BACH2: variants seen among roughly 807,000 people sequenced by gnomAD.
BACH2 encodes transcription regulator protein BACH2.
BACH2 carries 5 observed loss-of-function variants against 61.8 expected under a neutral mutation model. The observed-to-expected ratio is 0.08, with a 90% CI of 0.04 to 0.17. The LOEUF is 0.17. BACH2 is among the 10% of genes least tolerant of loss of function. The pLI is 1.00. For synonymous variants in BACH2, 446 were observed against 440.1 expected, an observed-to-expected ratio of 1.01 and a Z score of -0.17; for missense variants, 824 against 1,091.1, an observed-to-expected ratio of 0.76 and a Z score of 3.45.
At chr6:89,967,606 C>T (rs557130400) in intron 6 of BACH2, among the ~76,000 whole-genome samples, 6 of 152,314 alleles carry the variant, frequency 3.9e-5, no homozygotes, top group African/African-American at 1.4e-4. Flanking sequence ...CCCAGAGAAG[C>T]GTAGCTTTGA....
rs972857365 is a variant in BACH2 at position 89,930,631 on chromosome 6, TGGGGCCAACACGGCCCCAGAGCCAAG to T, written c.*1751_*1776del. On this transcript the variant is annotated 3_prime_UTR_variant, in exon 9 of 9. Transcript: ENST00000257749. ...GGGCACACCTTCCTGTAAACGTGGC[TGGGGCCAACACGGCCCCAGAGCCAAG>T]GGAAGCTGCTCTCTCTGGGTTGCAA... The T allele has an allele frequency of 1.3e-5, 2 of 152,750 alleles. No individual in the cohort carries two copies. The highest frequency in any genetic ancestry group is 4.8e-5 in the African/African-American group (2 of 41,434). 9.5% of individuals were successfully genotyped at this position (152,750 alleles called of 1,614,324 possible).
rs567499939 is a variant in BACH2, at chr6:90,256,765, G to C, written c.-352-4175C>G. On this transcript the variant is annotated intron_variant, in intron 2 of 8. Coordinates refer to ENST00000257749, the MANE Select transcript of BACH2 (RefSeq NM_021813.4). ...TACCCTATTTTTGTTTTTATGTTAA[G>C]AGCAGCTAAAATCTCACTTAGCATG... Among the ~76,000 whole-genome samples the C allele has an allele frequency of 5.9e-5, 9 of 152,150 alleles. No homozygotes were observed. The South Asian group carries it at 1.9e-3, about 32-fold the overall frequency.
chr6:90,014,029 G>A (rs948578903), intron 5 of BACH2, among the ~76,000 whole-genome samples: 3 of 151,626 alleles, frequency 2.0e-5, no homozygotes, highest in African/African-American at 4.8e-5. Context: ...AGCAATCCTC[G>A]TACCTTGGTC....
chr6:90,166,677 T>C (rs573270749), intron 4 of BACH2, among the ~76,000 whole-genome samples: 49 of 152,218 alleles, frequency 3.2e-4, no homozygotes, highest in African/African-American at 1.1e-3. Context: ...AACGATAGAC[T>C]GGATTAAGAA....
chr6:90,030,332 A>G (rs1176636737), intron 5 of BACH2, among the ~76,000 whole-genome samples: 5 of 152,102 alleles, frequency 3.3e-5, no homozygotes, highest in Non-Finnish European at 7.4e-5. Context: ...CTGCCCTGGG[A>G]GTAGACGTGG....
chr6:89,962,011 G>A lies in BACH2; in HGVS notation c.244-10149C>T, dbSNP rs551336221. Among the ~76,000 whole-genome samples, 3 of 152,282 alleles carry A rather than the reference G, an allele frequency of 2.0e-5. No individual in the cohort carries two copies. The East Asian group carries it at 5.8e-4, about 29-fold the overall frequency. On this transcript the variant is annotated intron_variant, in intron 6 of 8. Coordinates refer to ENST00000257749, the MANE Select transcript of BACH2 (RefSeq NM_021813.4). ...GAGTGTGTACTTGTCTAGATACTCA[G>A]AAATCATTCCTATTATAAAAACTAC...
intron 4 of BACH2, among the ~76,000 whole-genome samples, chr6:90,154,501 T>C (rs760642931): frequency 1.1e-4 from 16 of 152,164 alleles, no homozygotes; most frequent in East Asian, 7.7e-4. Context: ...GGCCACTCTA[T>C]ACTAGGAGGT....
At chr6:90,004,464 G>C (rs1028323049) in intron 6 of BACH2, among the ~76,000 whole-genome samples, 15 of 152,308 alleles carry the variant, frequency 9.8e-5, no homozygotes, top group African/African-American at 3.6e-4. Flanking sequence ...CAAGGACACA[G>C]GAAGCAAGCC....
chr6:90,016,410 TTTG>T (rs1289846284), intron 5 of BACH2, among the ~76,000 whole-genome samples: 2 of 152,210 alleles, frequency 1.3e-5, no homozygotes, highest in African/African-American at 2.4e-5. Context: ...GGCATGTTGT[TTTG>T]TTATTTCATT....
chr6:90,118,948 T>C lies in BACH2; in HGVS notation c.-161-29839A>G, dbSNP rs115135941. On this transcript the variant is annotated intron_variant, in intron 4 of 8. Transcript: ENST00000257749. Reference sequence around the variant, plus strand: ...ACCATAAAATGGAGATAATAGTACTTACCAAGTAAGATTTTTATGATGATT... The same window carrying C: ...ACCATAAAATGGAGATAATAGTACTCACCAAGTAAGATTTTTATGATGATT... Among the ~76,000 whole-genome samples, 666 of 152,272 alleles carry C rather than the reference T, an allele frequency of 4.4e-3. 5 individuals carry two copies. The highest frequency in any genetic ancestry group is 0.029 in the South Asian group (142 of 4,828).
At chr6:90,183,884 G>A (rs1335170415) in intron 4 of BACH2, among the ~76,000 whole-genome samples, 1 of 152,160 alleles carries the variant, frequency 6.6e-6, no homozygotes, top group African/African-American at 2.4e-5. Flanking sequence ...GAATTTCAAA[G>A]GTGCCTTAGT....
intron 3 of BACH2, among the ~76,000 whole-genome samples, chr6:90,213,024 C>A (rs2127852507): frequency 6.6e-6 from 1 of 152,324 alleles, no homozygotes; most frequent in South Asian, 2.1e-4. Context: ...TTAGGACTAT[C>A]TCAATTTAAA....
At chr6:90,177,404 G>A (rs1347660594) in intron 4 of BACH2, among the ~76,000 whole-genome samples, 2 of 152,146 alleles carry the variant, frequency 1.3e-5, no homozygotes, top group African/African-American at 4.8e-5. Flanking sequence ...CTTTTCAAAT[G>A]TTATGACGTG....
intron 6 of BACH2, among the ~76,000 whole-genome samples, chr6:89,959,097 G>GCACACACGCACACACACA: frequency 7.4e-6 from 1 of 134,484 alleles, no homozygotes; most frequent in Admixed American, 7.7e-5. Context: ...ATGCACAAGT[G>GCACACACGCACACACACA]CACACACACA....
chr6:89,985,944 G>A (rs1180871507), intron 6 of BACH2, among the ~76,000 whole-genome samples: 1 of 152,220 alleles, frequency 6.6e-6, no homozygotes, highest in African/African-American at 2.4e-5. Flanking sequence ...TACAGCTGTG[G>A]GAAGACAGTG....
chr6:90,016,205 A>G (rs1302165101), intron 5 of BACH2, among the ~76,000 whole-genome samples: 1 of 152,178 alleles, frequency 6.6e-6, no homozygotes, highest in African/African-American at 2.4e-5. Context: ...GCTTTTTAAA[A>G]AAATCTAATC....
At chr6:89,973,487 GACTTCAA>G (rs1775483312) in intron 6 of BACH2, among the ~76,000 whole-genome samples, 1 of 152,134 alleles carries the variant, frequency 6.6e-6, no homozygotes, top group Admixed American at 6.5e-5. Flanking sequence ...CACTTGAGTG[GACTTCAA>G]ACTTCAAAGT....
At chr6:89,987,246 G>A (rs778513151) in intron 6 of BACH2, among the ~76,000 whole-genome samples, 5 of 152,186 alleles carry the variant, frequency 3.3e-5, no homozygotes, top group Admixed American at 6.5e-5. Flanking sequence ...CCTGGCTTAA[G>A]GAGTTGGGTC....
At chr6:90,073,053 G>A (rs1781311560) in intron 5 of BACH2, among the ~76,000 whole-genome samples, 1 of 152,212 alleles carries the variant, frequency 6.6e-6, no homozygotes, top group Admixed American at 6.5e-5. Context: ...ATGGTACTGA[G>A]GGAGGAGGTA....
Sources: gnomAD v4.1 joint callset for allele counts (sites outside exome capture counted in the v4.1 genomes callset) on GRCh38, gnomAD v4.1.1 for gene constraint, MANE v1.5 for transcripts, NCBI Gene and HGNC (gene_info 2026-07-23, HGNC 2026-07-21) for gene names.